The following HERC3 variants were observed in gnomAD, a reference collection of about 807,000 sequenced individuals.
The protein encoded by HERC3 is HECT and RLD domain containing E3 ubiquitin protein ligase 3.
HERC3 carries 58 observed loss-of-function variants against 129.9 expected under a neutral mutation model. The ratio of observed to expected loss-of-function variants is 0.45; its 90% CI spans 0.36 to 0.56. HERC3 has a LOEUF of 0.56. HERC3 is among the 20% of genes least tolerant of loss of function. The pLI is 0.00. For missense variants in HERC3, 835 were observed against 1,244.2 expected, an observed-to-expected ratio of 0.67 and a Z score of 4.95; for synonymous variants, 430 against 451.0, an observed-to-expected ratio of 0.95 and a Z score of 0.59.
intron 21 of HERC3, among the ~76,000 whole-genome samples, chr4:88,683,674 A>G (rs529312048): frequency 1.3e-5 from 2 of 152,370 alleles, no homozygotes; most frequent in East Asian, 3.9e-4. Flanking sequence ...GCTAGTTATA[A>G]GAATGTATTC....
the HERC3 span, among the ~76,000 whole-genome samples, chr4:88,560,645 CA>C: frequency 2.0e-5 from 3 of 152,032 alleles, no homozygotes; most frequent in African/African-American, 7.2e-5. Context: ...GTGTGATATC[CA>C]AAAAATTATT....
chr4:88,686,682 T>G (rs1201286753), intron 21 of HERC3, 54 bp from the exon 22 acceptor site: 2 of 1,117,792 alleles, frequency 1.8e-6, no homozygotes, highest in East Asian at 4.7e-5. Flanking sequence ...GTAGAAACAC[T>G]GTTGCAGCAG....
At chr4:88,665,810 C>T (rs144392324) in intron 12 of HERC3, among the ~76,000 whole-genome samples, 5 of 152,298 alleles carry the variant, frequency 3.3e-5, no homozygotes, top group African/African-American at 1.2e-4. Flanking sequence ...CTGGGATGAG[C>T]TCACACAATT....
At chr4:88,681,431 CT>C (rs896847660) in intron 21 of HERC3, 106 bp downstream of exon 21, 1 of 953,566 alleles carries the variant, frequency 1.0e-6, no homozygotes, top group African/African-American at 1.7e-5. Context: ...TTATTGCATC[CT>C]GTGGTTAGAC....
chr4:88,547,223 G>T, the HERC3 span, among the ~76,000 whole-genome samples: 1 of 152,048 alleles, frequency 6.6e-6, no homozygotes, highest in Non-Finnish European at 1.5e-5. Flanking sequence ...ATTCTTTGCT[G>T]GAGTATTGGT....
chr4:88,562,803 T>A, the HERC3 span, among the ~76,000 whole-genome samples: 2 of 152,190 alleles, frequency 1.3e-5, no homozygotes, highest in African/African-American at 4.8e-5. Flanking sequence ...GAAGAATGAA[T>A]TCACTGTAGA....
chr4:88,704,332 G>A (rs1448073341), intron 24 of HERC3, 51 bp downstream of exon 24: 1 of 1,570,854 alleles, frequency 6.4e-7, no homozygotes, highest in South Asian at 1.1e-5. Context: ...AGCAGCAGCA[G>A]CCTGGGGAGG....
At chr4:88,697,379 C>G in intron 23 of HERC3, 1 of 1,614,066 alleles carries the variant, frequency 6.2e-7, no homozygotes, top group Non-Finnish European at 8.5e-7. Flanking sequence ...CCCTCCATCT[C>G]GCCGGTGAGC....
intron 3 of HERC3, among the ~76,000 whole-genome samples, chr4:88,644,219 G>T (rs1728451701): frequency 6.6e-6 from 1 of 152,038 alleles, no homozygotes; most frequent in Non-Finnish European, 1.5e-5. Context: ...TGATTTGGCA[G>T]GTTTTTTCTT....
At chr4:88,596,048 A>G (rs1578132936) in intron 2 of HERC3, among the ~76,000 whole-genome samples, 1 of 151,834 alleles carries the variant, frequency 6.6e-6, no homozygotes, top group Non-Finnish European at 1.5e-5. Context: ...ACGGGGTTTC[A>G]CTGTGTTAGC....
intron 23 of HERC3, among the ~76,000 whole-genome samples, chr4:88,691,018 C>A (rs1041048179): frequency 1.3e-5 from 2 of 152,168 alleles, no homozygotes; most frequent in Non-Finnish European, 2.9e-5. Flanking sequence ...TGGACAGATG[C>A]ATCTGGGAGG....
At position 88,625,855 on chromosome 4, in the gene HERC3, A is replaced by G. The variant is rs192628132; in HGVS notation, c.226+19806A>G. ...TTAGTGATTTTTTTTTAAATAAAAA[A>G]TTTGTGTTGATTTTTTTCAAATGTT... On this transcript the variant is annotated intron_variant, in intron 3 of 25. Coordinates refer to ENST00000402738, the MANE Select transcript of HERC3 (RefSeq NM_014606.3). Among the ~76,000 whole-genome samples, 400 of 152,272 alleles carry G rather than the reference A, an allele frequency of 2.6e-3. 1 individual carries two copies. Among genetic ancestry groups the G allele is most frequent in the South Asian group, 0.015 (71 of 4,828 alleles).
At chr4:88,598,449 G>A (rs986074654) in intron 2 of HERC3, among the ~76,000 whole-genome samples, 3 of 152,306 alleles carry the variant, frequency 2.0e-5, no homozygotes, top group African/African-American at 7.2e-5. Context: ...TTGCTGTAGT[G>A]CAGATTTGGC....
intron 23 of HERC3, among the ~76,000 whole-genome samples, chr4:88,689,568 C>T (rs1203291125): frequency 9.3e-5 from 14 of 150,218 alleles, no homozygotes; most frequent in South Asian, 4.2e-4. Flanking sequence ...ACTTCTTCTT[C>T]CATCCTTGAC....
chr4:88,691,529 G>A (rs1734074799), intron 23 of HERC3, among the ~76,000 whole-genome samples: 1 of 152,196 alleles, frequency 6.6e-6, no homozygotes, highest in South Asian at 2.1e-4. Context: ...CTAGCATGGT[G>A]GAGAGCAGCG....
intron 3 of HERC3, among the ~76,000 whole-genome samples, chr4:88,629,002 G>A (rs988334147): frequency 2.0e-5 from 3 of 152,050 alleles, no homozygotes; most frequent in African/African-American, 2.4e-5. Flanking sequence ...GGTGAAACCC[G>A]TCTTTACTAA....
At chr4:88,594,410 C>A in intron 1 of HERC3, among the ~76,000 whole-genome samples, 1 of 152,218 alleles carries the variant, frequency 6.6e-6, no homozygotes, top group African/African-American at 2.4e-5. Flanking sequence ...ATGACAATAT[C>A]TTTTCTTTCG....
chr4:88,524,338 G>A, the HERC3 span, among the ~76,000 whole-genome samples: 1 of 152,210 alleles, frequency 6.6e-6, no homozygotes, highest in African/African-American at 2.4e-5. Flanking sequence ...ATAAAGCACA[G>A]CTAATTTACT....
chr4:88,649,268 G>A (rs1159588788), intron 3 of HERC3, among the ~76,000 whole-genome samples: 1 of 152,098 alleles, frequency 6.6e-6, no homozygotes, highest in Non-Finnish European at 1.5e-5. Flanking sequence ...TTTCATTGAG[G>A]GATGCACAAA....
Sources: gnomAD v4.1 joint callset for allele counts (sites outside exome capture counted in the v4.1 genomes callset) on GRCh38, gnomAD v4.1.1 for gene constraint, MANE v1.5 for transcripts, NCBI Gene and HGNC (gene_info 2026-07-23, HGNC 2026-07-21) for gene names.